Variants in MAGI1 observed in about 807,000 individuals in gnomAD.
MAGI1 encodes the protein membrane associated guanylate kinase, WW and PDZ domain containing 1.
MAGI1 carries 58 observed loss-of-function variants against 139.9 expected under a neutral mutation model. That is an observed-to-expected ratio of 0.41 (90% CI 0.34 to 0.52). The LOEUF is 0.52. Ranked by LOEUF, MAGI1 falls within the 20% of genes least tolerant of loss-of-function variation. The pLI is 0.12. For synonymous variants in MAGI1, 812 were observed against 737.9 expected, an observed-to-expected ratio of 1.10 and a Z score of -1.63; for missense variants, 1,874 against 1,901.6, an observed-to-expected ratio of 0.99 and a Z score of 0.27.
At chr3:65,405,550 T>C (rs1945261325) in intron 12 of MAGI1, among the ~76,000 whole-genome samples, 2 of 152,132 alleles carry the variant, frequency 1.3e-5, no homozygotes, top group Non-Finnish European at 2.9e-5. Context: ...TATTTATAAA[T>C]ACACACATAC....
At chr3:65,790,373 C>T (rs1057426757) in intron 1 of MAGI1, among the ~76,000 whole-genome samples, 21 of 152,164 alleles carry the variant, frequency 1.4e-4, no homozygotes, top group African/African-American at 4.1e-4. Flanking sequence ...CCACTGAGGC[C>T]TCCTTGCAAA....
At chr3:65,988,485 A>G (rs1285658872) in intron 1 of MAGI1, among the ~76,000 whole-genome samples, 2 of 152,202 alleles carry the variant, frequency 1.3e-5, no homozygotes, top group African/African-American at 2.4e-5. Flanking sequence ...CAACGTAGAG[A>G]TGTGCCACTT....
intron 2 of MAGI1, among the ~76,000 whole-genome samples, chr3:65,515,641 C>T (rs1184813514): frequency 6.6e-6 from 1 of 152,126 alleles, no homozygotes; most frequent in Non-Finnish European, 1.5e-5. Flanking sequence ...GTACCCCCAC[C>T]ATCCAGAAAT....
At chr3:65,884,182 T>C (rs1274003187) in intron 1 of MAGI1, among the ~76,000 whole-genome samples, 2 of 152,178 alleles carry the variant, frequency 1.3e-5, no homozygotes, top group African/African-American at 4.8e-5. Flanking sequence ...ATTCACAATG[T>C]AACAGAAAGA....
At chr3:65,794,927 C>T (rs1451867232) in intron 1 of MAGI1, among the ~76,000 whole-genome samples, 1 of 150,156 alleles carries the variant, frequency 6.7e-6, no homozygotes. Flanking sequence ...AAAGGATATA[C>T]AGACAGCAAA....
chr3:65,963,313 TAA>T (rs760893715), intron 1 of MAGI1, among the ~76,000 whole-genome samples: 10 of 104,160 alleles, frequency 9.6e-5, no homozygotes, highest in Admixed American at 2.9e-4. Flanking sequence ...CTCTGTCTCT[TAA>T]AAAAAAAAAA....
intron 1 of MAGI1, 91 bp from the exon 2 acceptor site, chr3:65,622,179 G>T: frequency 1.1e-6 from 1 of 915,160 alleles, no homozygotes. Context: ...AAAGCCACAG[G>T]ATGCAGTTCT....
At chr3:65,962,830 GAAAA>G (rs777177760) in intron 1 of MAGI1, among the ~76,000 whole-genome samples, 1 of 59,172 alleles carries the variant, frequency 1.7e-5, no homozygotes. Context: ...GTCTCGGGGG[GAAAA>G]AAAAAAAAAA....
intron 13 of MAGI1, among the ~76,000 whole-genome samples, chr3:65,393,314 C>G (rs1319980624): frequency 6.6e-6 from 1 of 152,170 alleles, no homozygotes; most frequent in Non-Finnish European, 1.5e-5. Context: ...CAACCATGTA[C>G]AGTATCAGCC....
chr3:66,013,414 A>C (rs2067444113), intron 1 of MAGI1, among the ~76,000 whole-genome samples: 3 of 147,936 alleles, frequency 2.0e-5, no homozygotes, highest in African/African-American at 2.6e-5. Context: ...AATAAAAAAA[A>C]AAAAAGAAAA....
chr3:65,969,738 C>A lies in MAGI1; in HGVS notation c.313+68258G>T, dbSNP rs369133420. ...CAAGAAGATATCCATCATGTGCTGT[C>A]CAAAACAGCAGCCACTAGCCATATG... is the stretch of plus-strand genomic sequence containing the variant. On this transcript the variant is annotated intron_variant, in intron 1 of 22. Transcript: ENST00000402939. Among the ~76,000 whole-genome samples the A allele has an allele frequency of 3.9e-4, 59 of 152,324 alleles. No individual in the cohort carries two copies. In the South Asian group the frequency reaches 5.2e-3, roughly 13 times the overall value.
chr3:65,944,140 G>A (rs1311447198), intron 1 of MAGI1, among the ~76,000 whole-genome samples: 1 of 152,190 alleles, frequency 6.6e-6, no homozygotes, highest in Non-Finnish European at 1.5e-5. Flanking sequence ...CCATTTCTTA[G>A]TAAAATTTAA....
rs577937676 is a variant in MAGI1, at chr3:65,670,309, T to C, written c.314-48221A>G. Among the ~76,000 whole-genome samples, 4 of 151,136 alleles carry C rather than the reference T, an allele frequency of 2.6e-5. No individual in the cohort carries two copies. The South Asian group carries it at 8.4e-4, about 32-fold the overall frequency. On this transcript the variant is annotated intron_variant, in intron 1 of 22. Coordinates refer to ENST00000402939, the MANE Select transcript of MAGI1 (RefSeq NM_001033057.2). ...TCATATATATGCATATACATACATATGTATACATACACACATATATAACAC... is the reference window on the plus strand; with the variant it reads ...TCATATATATGCATATACATACATACGTATACATACACACATATATAACAC...
intron 1 of MAGI1, among the ~76,000 whole-genome samples, chr3:65,843,198 T>G (rs2058868378): frequency 6.6e-6 from 1 of 152,220 alleles, no homozygotes; most frequent in Non-Finnish European, 1.5e-5. Flanking sequence ...AGGTGATCTC[T>G]CATTATCTCC....
intron 1 of MAGI1, among the ~76,000 whole-genome samples, chr3:65,993,185 G>A (rs947418323): frequency 6.6e-6 from 1 of 152,150 alleles, no homozygotes; most frequent in Non-Finnish European, 1.5e-5. Flanking sequence ...CCATTTAACT[G>A]AGAGCCATCA....
intron 1 of MAGI1, among the ~76,000 whole-genome samples, chr3:65,987,957 C>T (rs929052591): frequency 3.3e-5 from 5 of 152,202 alleles, no homozygotes; most frequent in African/African-American, 1.2e-4. Context: ...ACTGCCCCTG[C>T]ACTTGCATGC....
intron 1 of MAGI1, among the ~76,000 whole-genome samples, chr3:65,819,389 G>C (rs2041805343): frequency 6.6e-6 from 1 of 152,132 alleles, no homozygotes. Context: ...TAATTCACTT[G>C]ACCTAAATTT....
At chr3:65,936,805 C>T (rs1187176770) in intron 1 of MAGI1, among the ~76,000 whole-genome samples, 1 of 152,056 alleles carries the variant, frequency 6.6e-6, no homozygotes, top group East Asian at 1.9e-4. Flanking sequence ...AATCACAGCT[C>T]ACTGCAATTT....
At chr3:65,451,938 C>T (rs1949056203) in intron 6 of MAGI1, among the ~76,000 whole-genome samples, 1 of 152,144 alleles carries the variant, frequency 6.6e-6, no homozygotes, top group African/African-American at 2.4e-5. Flanking sequence ...ATGAGCCACA[C>T]CATGCCTGGC....
Sources: allele counts gnomAD v4.1 joint callset (sites outside exome capture counted in the v4.1 genomes callset), GRCh38; gene constraint gnomAD v4.1.1; transcripts MANE v1.5; gene names NCBI Gene and HGNC (gene_info 2026-07-23, HGNC 2026-07-21).